SLC24A2: variants seen among roughly 807,000 people sequenced by gnomAD.
The protein encoded by SLC24A2 is sodium/potassium/calcium exchanger 2.
Under a neutral mutation model 62.0 loss-of-function variants are expected in SLC24A2, and 36 were observed. The ratio of observed to expected loss-of-function variants is 0.58; its 90% CI spans 0.44 to 0.77. SLC24A2 has a LOEUF of 0.77. Among genes scored for constraint, SLC24A2 ranks in the 30% least tolerant of loss-of-function variants. The pLI is 0.00. For missense variants in SLC24A2, 846 were observed against 817.9 expected, an observed-to-expected ratio of 1.03 and a Z score of -0.42; for synonymous variants, 358 against 294.0, an observed-to-expected ratio of 1.22 and a Z score of -2.23.
At chr9:20,198,075 G>C in the SLC24A2 span, among the ~76,000 whole-genome samples, 2 of 152,198 alleles carry the variant, frequency 1.3e-5, no homozygotes, top group African/African-American at 4.8e-5. Flanking sequence ...GTCATTTCCA[G>C]ATGTTGTAGC....
chr9:19,876,365 C>CGTGTGT, the SLC24A2 span, among the ~76,000 whole-genome samples: 11,342 of 145,528 alleles, frequency 0.078, 470 homozygotes, highest in Admixed American at 0.12. Flanking sequence ...TTATTGAAGG[C>CGTGTGT]GTGTGTGTGT....
In SLC24A2 at chr9:19,785,972, C is replaced by T. The variant is rs774393366; in HGVS notation, c.895G>A (p.Val299Ile). The T allele has an allele frequency of 1.9e-6, 3 of 1,614,074 alleles. No homozygotes were observed. The highest frequency in any genetic ancestry group is 1.7e-5 in the Admixed American group (1 of 60,012). The change falls in exon 2 of 11, where the codon GTC (valine) becomes ATC (isoleucine). Residue 299 changes from valine (V) to isoleucine (I), a missense_variant. By Grantham distance (29) the Val-to-Ile change is conservative (BLOSUM62 3). Transcript: ENST00000341998. ...GCTTCTGGTGCTGTCACCTTGACGA[C>T]CTTATTGCGGTTTATCATTTGCTTC... ...WVKQMINRNK[V>I]VKVTAPEAQA...
the SLC24A2 span, among the ~76,000 whole-genome samples, chr9:20,089,523 A>G: frequency 6.6e-6 from 1 of 152,032 alleles, no homozygotes; most frequent in East Asian, 1.9e-4. Flanking sequence ...TACAAAGAGG[A>G]GTCTAGCCCC....
the SLC24A2 span, among the ~76,000 whole-genome samples, chr9:20,250,087 C>T: frequency 2.6e-5 from 4 of 152,170 alleles, no homozygotes; most frequent in African/African-American, 7.2e-5. Flanking sequence ...ACAACAATAG[C>T]AAGACCTGTT....
the SLC24A2 span, among the ~76,000 whole-genome samples, chr9:20,109,627 C>T: frequency 1.3e-5 from 2 of 152,150 alleles, no homozygotes; most frequent in Admixed American, 6.6e-5. Flanking sequence ...GTGTATCTTG[C>T]GTGAATACTG....
At chr9:20,175,546 G>T in the SLC24A2 span, among the ~76,000 whole-genome samples, 2 of 151,818 alleles carry the variant, frequency 1.3e-5, no homozygotes, top group Non-Finnish European at 2.9e-5. Flanking sequence ...AATCAAAAAA[G>T]AAATATATGT....
At chr9:19,820,046 T>TATACAC in the SLC24A2 span, among the ~76,000 whole-genome samples, 4 of 21,412 alleles carry the variant, frequency 1.9e-4, no homozygotes, top group Admixed American at 8.1e-4. Context: ...TATATACATA[T>TATACAC]ATATATATAC....
intron 8 of SLC24A2, among the ~76,000 whole-genome samples, chr9:19,544,626 T>G (rs918002569): frequency 1.3e-5 from 2 of 152,182 alleles, no homozygotes; most frequent in African/African-American, 4.8e-5. Context: ...GCAGGCCTGG[T>G]GGTGACAAAA....
the SLC24A2 span, among the ~76,000 whole-genome samples, chr9:19,859,492 C>A: frequency 1.3e-5 from 2 of 151,980 alleles, no homozygotes; most frequent in African/African-American, 4.8e-5. Flanking sequence ...ATCCCTGAAC[C>A]TAAAATAAAT....
intron 4 of SLC24A2, among the ~76,000 whole-genome samples, chr9:19,606,745 C>A (rs1256165785): frequency 6.6e-6 from 1 of 152,170 alleles, no homozygotes; most frequent in Non-Finnish European, 1.5e-5. Flanking sequence ...TGTGTATGTG[C>A]ACGTGTGTAT....
chr9:19,951,583 T>C, the SLC24A2 span, among the ~76,000 whole-genome samples: 5 of 152,004 alleles, frequency 3.3e-5, no homozygotes, highest in African/African-American at 1.2e-4. Flanking sequence ...TATATAGATA[T>C]CCGGTGTCTG....
chr9:20,298,375 C>T, the SLC24A2 span, among the ~76,000 whole-genome samples: 54 of 152,200 alleles, frequency 3.5e-4, no homozygotes, highest in African/African-American at 1.1e-3. Flanking sequence ...ATTACAGGCA[C>T]GCGCCACCAT....
chr9:20,278,726 C>T, the SLC24A2 span, among the ~76,000 whole-genome samples: 1 of 152,190 alleles, frequency 6.6e-6, no homozygotes, highest in Non-Finnish European at 1.5e-5. Flanking sequence ...TAGACTTTCT[C>T]ACATTTTCCT....
At chr9:19,581,274 T>C (rs563234428) in intron 5 of SLC24A2, among the ~76,000 whole-genome samples, 2 of 152,328 alleles carry the variant, frequency 1.3e-5, no homozygotes, top group South Asian at 2.1e-4. Flanking sequence ...GTCAAGGTGA[T>C]AGAGCTGGCT....
At chr9:20,223,752 T>C in the SLC24A2 span, among the ~76,000 whole-genome samples, 11 of 152,098 alleles carry the variant, frequency 7.2e-5, no homozygotes, top group Non-Finnish European at 1.6e-4. Flanking sequence ...ATTTAATAAA[T>C]GGTGCTAGAA....
chr9:19,940,208 A>G, the SLC24A2 span, among the ~76,000 whole-genome samples: 8 of 152,226 alleles, frequency 5.3e-5, no homozygotes, highest in African/African-American at 1.9e-4. Context: ...TGAACATAGT[A>G]GTTAAGAGGC....
intron 4 of SLC24A2, among the ~76,000 whole-genome samples, chr9:19,612,744 T>G (rs1291338641): frequency 6.6e-6 from 1 of 151,502 alleles, no homozygotes; most frequent in African/African-American, 2.5e-5. Context: ...GGGTATGGTG[T>G]CTTGTACCTG....
At chr9:19,852,992 T>C in the SLC24A2 span, among the ~76,000 whole-genome samples, 2 of 152,212 alleles carry the variant, frequency 1.3e-5, no homozygotes, top group East Asian at 3.8e-4. Flanking sequence ...CTTATTTCCT[T>C]GAGCAATGGT....
At chr9:20,111,788 T>C in the SLC24A2 span, among the ~76,000 whole-genome samples, 1 of 152,110 alleles carries the variant, frequency 6.6e-6, no homozygotes, top group Non-Finnish European at 1.5e-5. Context: ...TATTATCTGG[T>C]CCCCATTGTC....
Sources: gnomAD v4.1 joint callset for allele counts (sites outside exome capture counted in the v4.1 genomes callset) on GRCh38, gnomAD v4.1.1 for gene constraint, MANE v1.5 for transcripts, NCBI Gene and HGNC (gene_info 2026-07-23, HGNC 2026-07-21) for gene names.